Variants in PIGN observed in about 807,000 individuals in gnomAD.
PIGN encodes the protein GPI ethanolamine phosphate transferase 1.
Under a neutral mutation model 125.4 loss-of-function variants are expected in PIGN, and 117 were observed. The ratio of observed to expected loss-of-function variants is 0.93; its 90% confidence interval spans 0.80 to 1.09. PIGN has a LOEUF of 1.09. PIGN is among the 50% of genes least tolerant of loss of function. The pLI is 0.00. For missense variants in PIGN, 1,075 were observed against 1,094.9 expected (o/e 0.98, Z 0.26); for synonymous variants, 392 against 377.8 (o/e 1.04, Z -0.44).
intron 7 of PIGN, among the ~76,000 whole-genome samples, chr18:62,149,240 T>C (rs2036444850): frequency 6.6e-6 from 1 of 152,154 alleles, no homozygotes; most frequent in Non-Finnish European, 1.5e-5. Flanking sequence ...ATGGTGCAAT[T>C]AGAGAAACTA....
At chr18:62,068,098 C>A (rs867886511) in intron 30 of PIGN, among the ~76,000 whole-genome samples, 50 of 151,216 alleles carry the variant, frequency 3.3e-4, no homozygotes, top group African/African-American at 1.1e-3. Context: ...CCTCCCAGGT[C>A]TTTGTTTGTT....
At chr18:62,172,965 C>T (rs372173664) in intron 1 of PIGN, among the ~76,000 whole-genome samples, 3 of 152,082 alleles carry the variant, frequency 2.0e-5, no homozygotes, top group East Asian at 1.9e-4. Context: ...TGACACCATA[C>T]GAACACAAAA....
intron 17 of PIGN, among the ~76,000 whole-genome samples, chr18:62,108,921 A>G (rs1303239449): frequency 6.6e-6 from 1 of 152,198 alleles, no homozygotes; most frequent in Admixed American, 6.5e-5. Context: ...TCATGTTTTA[A>G]AAGAAGGAAG....
intron 23 of PIGN, among the ~76,000 whole-genome samples, chr18:62,092,880 T>C (rs1316991364): frequency 2.6e-5 from 4 of 152,126 alleles, no homozygotes; most frequent in Non-Finnish European, 5.9e-5. Context: ...TAACTCAGCT[T>C]TCCTATTCAA....
intron 25 of PIGN, among the ~76,000 whole-genome samples, chr18:62,088,151 A>C (rs1441085792): frequency 6.6e-6 from 1 of 152,200 alleles, no homozygotes; most frequent in African/African-American, 2.4e-5. Flanking sequence ...AAATATATAC[A>C]ATTTTTGTCA....
chr18:62,062,882 CTTTTTTTTTTTTTTTT>C (rs71160811), intron 30 of PIGN, among the ~76,000 whole-genome samples: 405 of 21,080 alleles, frequency 0.019, 8 homozygotes, highest in South Asian at 0.1. Context: ...TTGTATTCTG[CTTTTTTTTTTTTTTTT>C]TTTTTTTTTT....
At chr18:62,181,875 C>A (rs945246711) in intron 1 of PIGN, among the ~76,000 whole-genome samples, 4 of 152,066 alleles carry the variant, frequency 2.6e-5, no homozygotes, top group Admixed American at 6.5e-5. Flanking sequence ...TACAGGCACA[C>A]AGCATCATGC....
At chr18:62,136,273 C>G (rs1467980556) in intron 14 of PIGN, 1 of 152,056 alleles carries the variant, frequency 6.6e-6, no homozygotes, top group Non-Finnish European at 1.5e-5. Context: ...TATTTTTACT[C>G]TCCTATACAC....
intron 23 of PIGN, among the ~76,000 whole-genome samples, chr18:62,020,731 C>T (rs980270482): frequency 1.3e-5 from 2 of 150,622 alleles, no homozygotes; most frequent in African/African-American, 4.9e-5. Flanking sequence ...GGGCAGATCA[C>T]GAGGTCAGGA....
intron 7 of PIGN, among the ~76,000 whole-genome samples, chr18:62,148,791 T>C (rs1405807001): frequency 6.6e-6 from 1 of 152,148 alleles, no homozygotes; most frequent in Non-Finnish European, 1.5e-5. Flanking sequence ...ATCTCTAATG[T>C]AGAACATTGC....
chr18:62,085,114 A>T, intron 26 of PIGN, 95 bp downstream of exon 26: 1 of 711,812 alleles, frequency 1.4e-6, no homozygotes, highest in Non-Finnish European at 2.3e-6. Context: ...TCTCAAAAAG[A>T]AAAAAAAATA....
At chr18:62,089,180 C>A (rs2033848773) in intron 24 of PIGN, among the ~76,000 whole-genome samples, 2 of 152,090 alleles carry the variant, frequency 1.3e-5, no homozygotes, top group African/African-American at 4.8e-5. Context: ...AGACTAATTT[C>A]TCAGAGTGTC....
rs532517082 is a variant in PIGN, at chr18:62,123,554, G to A, written c.1173-8915C>T. Reference sequence around the variant, plus strand: ...AGGATGATTTTTCTTCCTAAAATCAGGATGAAAATAAGAGTGAGGAAACTG... The same window carrying A: ...AGGATGATTTTTCTTCCTAAAATCAAGATGAAAATAAGAGTGAGGAAACTG... On this transcript the variant is annotated intron_variant, in intron 14 of 30. Coordinates refer to ENST00000640252, the MANE Select transcript of PIGN (RefSeq NM_176787.5). The A allele has an allele frequency of 1.6e-4, 25 of 152,124 alleles. No individual in the cohort carries two copies. In the East Asian group the frequency reaches 4.7e-3, roughly 28 times the overall value. The allele number at this position is 152,124 out of a possible 1,614,324, so 9.4% of individuals were successfully genotyped here. A position where few individuals can be genotyped will look rare whatever the true frequency, so the allele number is the denominator to read the frequency against.
chr18:62,151,163 TG>T (rs1262243733), intron 7 of PIGN, among the ~76,000 whole-genome samples: 1 of 152,110 alleles, frequency 6.6e-6, no homozygotes, highest in Non-Finnish European at 1.5e-5. Flanking sequence ...TTGAAACTAT[TG>T]TAGGTCAAAA....
chr18:62,129,936 A>G (rs535912397), intron 14 of PIGN, among the ~76,000 whole-genome samples: 3 of 152,326 alleles, frequency 2.0e-5, no homozygotes, highest in African/African-American at 7.2e-5. Context: ...CATTAATACT[A>G]AATTAGGGTG....
intron 22 of PIGN, among the ~76,000 whole-genome samples, chr18:62,096,792 T>G (rs1351484850): frequency 7.3e-6 from 1 of 136,652 alleles, no homozygotes; most frequent in East Asian, 2.1e-4. Context: ...TTTGGTTTTT[T>G]GTTCTTGCGA....
intron 23 of PIGN, among the ~76,000 whole-genome samples, chr18:62,035,617 G>A (rs990964329): frequency 6.6e-6 from 1 of 151,920 alleles, no homozygotes; most frequent in African/African-American, 2.4e-5. Context: ...ATGTTGGTGT[G>A]CTGCACCCAT....
At chr18:62,024,552 T>C (rs2030092455) in intron 23 of PIGN, among the ~76,000 whole-genome samples, 1 of 152,186 alleles carries the variant, frequency 6.6e-6, no homozygotes, top group South Asian at 2.1e-4. Context: ...TCTCAGTCCT[T>C]TTCACAATTT....
In PIGN at chr18:62,105,564, C is replaced by T. The variant is rs1234728734; in HGVS notation, c.1838G>A (p.Arg613Gln). Residue 613 changes from arginine to glutamine, a missense_variant, in exon 20 of 31, where the codon CGA becomes CAA. By Grantham distance (43) the Arg-to-Gln change is conservative. Transcript: ENST00000640252. ...AVFPLMPVVG[R>Q]KPDISLVMGA... Reference sequence around the variant, plus strand: ...ATACACTAGAGAGATGTCTGGCTTTCGACCTACAACCGGCATCAGTGGGAA... The same window carrying T: ...ATACACTAGAGAGATGTCTGGCTTTTGACCTACAACCGGCATCAGTGGGAA... 1.5e-5 allele frequency: 24 copies of T among 1,548,686 alleles called. No individual in the cohort carries two copies. Among genetic ancestry groups the T allele is most frequent in the Non-Finnish European group, 2.0e-5 (23 of 1,143,220 alleles).
Sources: allele counts gnomAD v4.1 joint callset (sites outside exome capture counted in the v4.1 genomes callset), GRCh38; gene constraint gnomAD v4.1.1; transcripts MANE v1.5; gene names NCBI Gene and HGNC (gene_info 2026-07-23, HGNC 2026-07-21).